The following DPP6 variants were observed in gnomAD, a reference collection of about 807,000 sequenced individuals.
DPP6 encodes the protein dipeptidyl peptidase like 6, also known as A-type potassium channel modulatory protein DPP6.
In DPP6, 69 loss-of-function variants were observed where a neutral mutation model predicts 122.6. The observed-to-expected ratio is 0.56, with a 90% CI of 0.46 to 0.69. DPP6 has a LOEUF of 0.69. Ranked by LOEUF, DPP6 falls within the 30% of genes least tolerant of loss-of-function variation. The pLI is 0.00. For missense variants in DPP6, 928 were observed against 1,116.9 expected (o/e 0.83, Z 2.41); for synonymous variants, 418 against 433.1 (o/e 0.97, Z 0.43).
chr7:154,613,448 C>T (rs149519074), intron 5 of DPP6, among the ~76,000 whole-genome samples: 1,852 of 151,440 alleles, frequency 0.012, 23 homozygotes, highest in African/African-American at 0.04. Flanking sequence ...GGTGAAACCC[C>T]GTCTCTACTG....
At chr7:154,037,313 A>G (rs1459024517) in intron 1 of DPP6, among the ~76,000 whole-genome samples, 5 of 152,038 alleles carry the variant, frequency 3.3e-5, no homozygotes, top group African/African-American at 1.2e-4. Flanking sequence ...TGTTCACTGA[A>G]ACACAGCTGC....
At chr7:153,846,714 A>G in the DPP6 span, among the ~76,000 whole-genome samples, 1 of 97,552 alleles carries the variant, frequency 1.0e-5, no homozygotes, top group Non-Finnish European at 1.9e-5. Context: ...TTTTTTTGAG[A>G]CAGAGTCTCG....
the DPP6 span, among the ~76,000 whole-genome samples, chr7:153,758,409 T>G: frequency 6.6e-6 from 1 of 152,124 alleles, no homozygotes; most frequent in African/African-American, 2.4e-5. Flanking sequence ...TTAATAAGTA[T>G]TGACGTGTGC....
chr7:154,663,038 G>A (rs1282823513), intron 6 of DPP6, among the ~76,000 whole-genome samples: 1 of 59,752 alleles, frequency 1.7e-5, no homozygotes, highest in African/African-American at 4.3e-5. Context: ...ATGGCGTGTT[G>A]GCCCTAGTGT....
intron 8 of DPP6, among the ~76,000 whole-genome samples, chr7:154,734,150 CTTATGCTACTT>C (rs1488548843): frequency 1.3e-5 from 2 of 152,252 alleles, no homozygotes; most frequent in Non-Finnish European, 2.9e-5. Flanking sequence ...ATTAATGACA[CTTATGCTACTT>C]TTCTTTAGAG....
intron 1 of DPP6, among the ~76,000 whole-genome samples, chr7:154,046,815 C>A (rs746301546): frequency 1.3e-5 from 2 of 152,212 alleles, no homozygotes; most frequent in African/African-American, 4.8e-5. Flanking sequence ...TGTGCTCACA[C>A]TCAACCCTCC....
chr7:153,757,462 C>T, the DPP6 span, among the ~76,000 whole-genome samples: 6 of 152,124 alleles, frequency 3.9e-5, no homozygotes, highest in Admixed American at 2.6e-4. Flanking sequence ...CATCCAGTGG[C>T]GGATGGTTTA....
intron 1 of DPP6, among the ~76,000 whole-genome samples, chr7:154,301,510 G>A (rs951571812): frequency 6.6e-6 from 1 of 152,132 alleles, no homozygotes; most frequent in South Asian, 2.1e-4. Flanking sequence ...CAACTTTAGG[G>A]GGGGTAACAC....
At chr7:154,837,334 T>C (rs972371522) in intron 16 of DPP6, among the ~76,000 whole-genome samples, 4 of 148,396 alleles carry the variant, frequency 2.7e-5, no homozygotes, top group African/African-American at 7.8e-5. Flanking sequence ...CACACATGCA[T>C]AACATGCACA....
chr7:154,477,975 C>T (rs894579931), intron 3 of DPP6, among the ~76,000 whole-genome samples: 1 of 152,058 alleles, frequency 6.6e-6, no homozygotes, highest in Non-Finnish European at 1.5e-5. Context: ...TAATTCCACT[C>T]ACACATGACC....
At chr7:154,281,016 T>TTTA (rs1433306009) in intron 1 of DPP6, among the ~76,000 whole-genome samples, 1 of 111,634 alleles carries the variant, frequency 9.0e-6, no homozygotes, top group Non-Finnish European at 2.1e-5. Context: ...TATTTATTTA[T>TTTA]TTATTTATTT....
At chr7:153,756,167 TGTTCC>T in the DPP6 span, among the ~76,000 whole-genome samples, 3 of 151,904 alleles carry the variant, frequency 2.0e-5, no homozygotes, top group Non-Finnish European at 4.4e-5. Context: ...TACACCTCCC[TGTTCC>T]TGAGCCTGTA....
rs926817372 is a variant in DPP6 at position 154,602,502 on chromosome 7, C to T, written c.628-35319C>T. 1.7e-5 allele frequency among the ~76,000 whole-genome samples: 2 copies of T among 120,880 alleles called. 1 individual carries two copies. The highest frequency in any genetic ancestry group is 3.7e-5 in the Non-Finnish European group (2 of 53,696). 79.3% of individuals were successfully genotyped at this position (120,880 alleles called of 152,430 possible). A position where few individuals can be genotyped will look rare whatever the true frequency, so the allele number is the denominator to read the frequency against. ...GCACGATCTTGTCTCACTGCAACCTCTGCCTCCCAGGTTCAGGTGAGTCTC... is the reference window on the plus strand; with the variant it reads ...GCACGATCTTGTCTCACTGCAACCTTTGCCTCCCAGGTTCAGGTGAGTCTC... On this transcript the variant is annotated intron_variant, in intron 5 of 25. Coordinates refer to ENST00000377770, the MANE Select transcript of DPP6 (RefSeq NM_130797.4).
intron 6 of DPP6, among the ~76,000 whole-genome samples, chr7:154,653,660 GT>G (rs1334060610): frequency 1.3e-5 from 2 of 152,144 alleles, no homozygotes; most frequent in Non-Finnish European, 2.9e-5. Flanking sequence ...AAACAAACCT[GT>G]TTTTTAGTTT....
intron 1 of DPP6, among the ~76,000 whole-genome samples, chr7:153,892,452 T>G (rs1242820639): frequency 6.6e-6 from 1 of 152,194 alleles, no homozygotes; most frequent in Non-Finnish European, 1.5e-5. Flanking sequence ...TAGCTAGGAT[T>G]ACAGGCATGT....
chr7:154,879,425 A>G (rs1292912453), intron 20 of DPP6, among the ~76,000 whole-genome samples: 1 of 134,418 alleles, frequency 7.4e-6, no homozygotes, highest in African/African-American at 3.0e-5. Flanking sequence ...CTAAAAAAAA[A>G]AAAAAATACA....
At chr7:153,814,183 G>A in the DPP6 span, among the ~76,000 whole-genome samples, 1 of 151,838 alleles carries the variant, frequency 6.6e-6, no homozygotes, top group African/African-American at 2.4e-5. Flanking sequence ...TTAATCCAAG[G>A]ACCAACAAAA....
chr7:153,954,988 ATGGT>A (rs1802392847), intron 1 of DPP6, among the ~76,000 whole-genome samples: 3 of 152,200 alleles, frequency 2.0e-5, no homozygotes, highest in Admixed American at 1.3e-4. Context: ...GTCAGAAGTG[ATGGT>A]TGGTGGGTGT....
chr7:153,955,371 CT>C (rs1802411790), intron 1 of DPP6, among the ~76,000 whole-genome samples: 1 of 152,052 alleles, frequency 6.6e-6, no homozygotes. Flanking sequence ...CTATTTTGTG[CT>C]TTATATGTGT....
Sources: gnomAD v4.1 joint callset for allele counts (sites outside exome capture counted in the v4.1 genomes callset) on GRCh38, gnomAD v4.1.1 for gene constraint, MANE v1.5 for transcripts, NCBI Gene and HGNC (gene_info 2026-07-23, HGNC 2026-07-21) for gene names.